Variants in AGAP1 observed in about 807,000 individuals in gnomAD.
AGAP1 encodes arf-GAP with GTPase, ANK repeat and PH domain-containing protein 1.
Under a neutral mutation model 105.3 loss-of-function variants are expected in AGAP1, and 29 were observed. The observed-to-expected ratio is 0.28, with a 90% CI of 0.21 to 0.38. AGAP1 has a LOEUF of 0.38. AGAP1 is among the 10% of genes least tolerant of loss of function. The pLI is 1.00. For synonymous variants in AGAP1, 509 were observed against 485.9 expected, an observed-to-expected ratio of 1.05 and a Z score of -0.63; for missense variants, 998 against 1,165.1, an observed-to-expected ratio of 0.86 and a Z score of 2.09.
At chr2:236,072,770 C>A (rs2058536942) in intron 16 of AGAP1, among the ~76,000 whole-genome samples, 1 of 151,662 alleles carries the variant, frequency 6.6e-6, no homozygotes, top group Non-Finnish European at 1.5e-5. Context: ...CAAAAATAGT[C>A]TTTTCTTACA....
At chr2:235,502,511 G>A (rs1357039662) in intron 1 of AGAP1, among the ~76,000 whole-genome samples, 2 of 152,044 alleles carry the variant, frequency 1.3e-5, no homozygotes, top group African/African-American at 4.8e-5. Context: ...ACAGATTGGT[G>A]TTTTTGTTTA....
intron 16 of AGAP1, among the ~76,000 whole-genome samples, chr2:236,070,779 CG>C (rs556821290): frequency 3.3e-5 from 5 of 151,408 alleles, no homozygotes; most frequent in Admixed American, 3.3e-4. Context: ...GGGGCAGGGG[CG>C]GGGAGGCATC....
At position 235,988,323 on chromosome 2, in the gene AGAP1, G is replaced by A. The variant is rs1472170254; in HGVS notation, c.1645+19700G>A. 1.3e-5 allele frequency among the ~76,000 whole-genome samples: 2 copies of A among 152,142 alleles called. No homozygotes were observed. Among genetic ancestry groups the A allele is most frequent in the African/African-American group, 2.4e-5 (1 of 41,424 alleles). On this transcript the variant is annotated intron_variant, in intron 13 of 17. Transcript: ENST00000304032. The surrounding 1 kb of genome is among the most constrained non-coding windows in gnomAD (Gnocchi z 4.7). ...CTCCCAAAGTGGTAGGATTACAGGC[G>A]TGAGCCACCGTGCCTGGCCTAAAAC...
At chr2:235,766,585 C>G (rs78957487) in intron 6 of AGAP1, among the ~76,000 whole-genome samples, 4,411 of 152,258 alleles carry the variant, frequency 0.029, 90 homozygotes, top group South Asian at 0.044. Context: ...AAAAAAGTTT[C>G]ATTCATTGGA....
chr2:236,115,479 T>C (rs914969982), intron 16 of AGAP1, among the ~76,000 whole-genome samples: 2 of 152,182 alleles, frequency 1.3e-5, no homozygotes, highest in African/African-American at 4.8e-5. Context: ...GAGATTGGCT[T>C]TTCCCTGCCT....
rs1247678050 is a variant in AGAP1, at chr2:235,900,686, C to T, written c.1156-8052C>T. 6.6e-6 allele frequency among the ~76,000 whole-genome samples: 1 copy of T among 152,166 alleles called. No individual in the cohort carries two copies. Among genetic ancestry groups the T allele is most frequent in the Non-Finnish European group, 1.5e-5 (1 of 68,034 alleles). On this transcript the variant is annotated intron_variant, in intron 10 of 17. Transcript: ENST00000304032. The surrounding 1 kb of genome is among the most constrained non-coding windows in gnomAD (Gnocchi z 5.5). Reference sequence around the variant, plus strand: ...TAATTGTGACTTCAAAAGGCCATTCCACCATTCTATTAATCCAGCTGCTTC... The same window carrying T: ...TAATTGTGACTTCAAAAGGCCATTCTACCATTCTATTAATCCAGCTGCTTC...
chr2:235,734,353 C>T lies in AGAP1; in HGVS notation c.311-6610C>T, dbSNP rs543031506. ...CCAGTCTGAACCCCACAGCGCTGGG[C>T]GGTTGACGAGGTGTGGCCAGCTTGC... On this transcript the variant is annotated intron_variant, in intron 3 of 17. Transcript: ENST00000304032. This position sits in a 1 kb window ranked among gnomAD's most constrained non-coding sequence, Gnocchi z 5.3. Among the ~76,000 whole-genome samples, 9 of 152,204 alleles carry T rather than the reference C, an allele frequency of 5.9e-5. No homozygotes were observed. The highest frequency in any genetic ancestry group is 2.1e-4 in the South Asian group (1 of 4,814).
Position 235,957,271 on chromosome 2 carries a change from T to A in AGAP1, c.1484-11191T>A, listed in dbSNP as rs2053990612. On this transcript the variant is annotated intron_variant, in intron 12 of 17. Coordinates refer to ENST00000304032, the MANE Select transcript of AGAP1 (RefSeq NM_001037131.3). This position sits in a 1 kb window ranked among gnomAD's most constrained non-coding sequence, Gnocchi z 4.6. ...AAATTCCTACTGACTAGGCTTAATTTAGAGAGATCTCTGGGCGTAATTGAA... is the reference window on the plus strand; with the variant it reads ...AAATTCCTACTGACTAGGCTTAATTAAGAGAGATCTCTGGGCGTAATTGAA... Among the ~76,000 whole-genome samples, 1 of 152,226 alleles carries A rather than the reference T, an allele frequency of 6.6e-6. No homozygotes were observed. Among genetic ancestry groups the A allele is most frequent in the Admixed American group, 6.5e-5 (1 of 15,286 alleles).
intron 1 of AGAP1, among the ~76,000 whole-genome samples, chr2:235,540,954 C>G (rs938041136): frequency 6.6e-6 from 1 of 152,086 alleles, no homozygotes; most frequent in Non-Finnish European, 1.5e-5. Flanking sequence ...CATTCAGTTG[C>G]TTAAACAAAG....
At chr2:235,863,106 A>G (rs758062895) in intron 9 of AGAP1, among the ~76,000 whole-genome samples, 34 of 152,352 alleles carry the variant, frequency 2.2e-4, no homozygotes, top group Non-Finnish European at 4.6e-4. Context: ...TAATTCATTC[A>G]TCAAATACTT....
intron 6 of AGAP1, among the ~76,000 whole-genome samples, chr2:235,768,857 A>G (rs1396969437): frequency 6.6e-6 from 1 of 152,322 alleles, no homozygotes; most frequent in East Asian, 1.9e-4. Context: ...CCAGCGCTGC[A>G]GCTTCCTCTC....
chr2:235,945,340 G>A (rs1015353246), intron 12 of AGAP1, among the ~76,000 whole-genome samples: 1 of 152,190 alleles, frequency 6.6e-6, no homozygotes, highest in East Asian at 1.9e-4. Context: ...TCCTGACCTC[G>A]TGATCCACCC....
chr2:235,568,327 G>A (rs868451156), intron 1 of AGAP1, among the ~76,000 whole-genome samples: 7 of 152,362 alleles, frequency 4.6e-5, no homozygotes, highest in Non-Finnish European at 7.3e-5. Context: ...GCTGCCTGCT[G>A]TGGGCCAGGC....
chr2:235,662,090 C>G lies in AGAP1; in HGVS notation c.164-47089C>G, dbSNP rs566108428. 7.4e-4 allele frequency among the ~76,000 whole-genome samples: 113 copies of G among 152,272 alleles called. No homozygotes were observed. Among genetic ancestry groups the G allele is most frequent in the Middle Eastern group, 6.8e-3 (2 of 294 alleles). On this transcript the variant is annotated intron_variant, in intron 1 of 17. Transcript: ENST00000304032. The surrounding 1 kb of genome is among the most constrained non-coding windows in gnomAD (Gnocchi z 4.2). ...AATTCAGGGAAGGAAAAGACCATGG[C>G]GCTGAGGAGGCGGCACGGCCTGGCC... is the stretch of plus-strand genomic sequence containing the variant.
At position 235,882,424 on chromosome 2, in the gene AGAP1, G is replaced by A. The variant is rs752682104; in HGVS notation, c.1051-921G>A. On this transcript the variant is annotated intron_variant, in intron 9 of 17. Coordinates refer to ENST00000304032, the MANE Select transcript of AGAP1 (RefSeq NM_001037131.3). The surrounding 1 kb of genome is among the most constrained non-coding windows in gnomAD (Gnocchi z 4.6). ...TTGGTCGGCAGGGTGTTCTTCTCCT[G>A]CGTCTCCGTTTTCTTCAGCTTGGCC... is the stretch of plus-strand genomic sequence containing the variant. 2.0e-5 allele frequency: 31 copies of A among 1,585,320 alleles called. No individual in the cohort carries two copies. Among genetic ancestry groups the A allele is most frequent in the Non-Finnish European group, 2.7e-5 (31 of 1,157,604 alleles).
intron 1 of AGAP1, among the ~76,000 whole-genome samples, chr2:235,587,647 C>T (rs962463128): frequency 6.6e-6 from 1 of 151,878 alleles, no homozygotes; most frequent in Non-Finnish European, 1.5e-5. Context: ...CCCAGCTACT[C>T]TGGAGGCTGA....
intron 1 of AGAP1, among the ~76,000 whole-genome samples, chr2:235,502,548 A>G (rs928733397): frequency 1.3e-5 from 2 of 151,730 alleles, no homozygotes; most frequent in Admixed American, 6.6e-5. Flanking sequence ...CAAATTTCAC[A>G]CTTCTCCCGC....
chr2:235,685,987 G>A (rs1949361573), intron 1 of AGAP1, among the ~76,000 whole-genome samples: 1 of 152,186 alleles, frequency 6.6e-6, no homozygotes, highest in Non-Finnish European at 1.5e-5. Flanking sequence ...TTTCTGATGA[G>A]CCTTTCCAAA....
chr2:235,937,919 G>A (rs1006031239), intron 12 of AGAP1, among the ~76,000 whole-genome samples: 15 of 152,224 alleles, frequency 9.9e-5, no homozygotes, highest in South Asian at 2.1e-4. Context: ...TGAAAGTTTC[G>A]CTTCCTTGGC....
Sources: gnomAD v4.1 joint callset for allele counts (sites outside exome capture counted in the v4.1 genomes callset) on GRCh38, gnomAD v4.1.1 for gene constraint, Gnocchi (gnomAD v3.1) non-coding constraint, MANE v1.5 for transcripts, NCBI Gene and HGNC (gene_info 2026-07-23, HGNC 2026-07-21) for gene names.